RPS6KA1: variants seen among roughly 807,000 people sequenced by gnomAD.
The protein encoded by RPS6KA1 is ribosomal protein S6 kinase alpha-1.
In RPS6KA1, 48 loss-of-function variants were observed where a neutral mutation model predicts 91.3. That is an observed-to-expected ratio of 0.53 (90% confidence interval 0.42 to 0.67). RPS6KA1 has a LOEUF of 0.67. Among genes scored for constraint, RPS6KA1 ranks in the 30% least tolerant of loss-of-function variants. RPS6KA1 has a pLI of 0.00. For missense variants in RPS6KA1, 719 were observed against 960.5 expected (o/e 0.75, Z 3.32); for synonymous variants, 359 against 384.7 (o/e 0.93, Z 0.78).
intron 14 of RPS6KA1, among the ~76,000 whole-genome samples, chr1:26,559,852 G>T (rs1178058954): frequency 1.3e-5 from 2 of 152,156 alleles, no homozygotes; most frequent in African/African-American, 4.8e-5. Flanking sequence ...AGCACTTTGG[G>T]AGGCCAAGAA....
chr1:26,569,247 A>G (rs768402433), intron 17 of RPS6KA1, among the ~76,000 whole-genome samples: 29 of 151,860 alleles, frequency 1.9e-4, no homozygotes, highest in Non-Finnish European at 3.7e-4. Context: ...ATTCCTGTCC[A>G]CCCGCCGAGG....
chr1:26,565,310 G>T (rs1187968603), intron 17 of RPS6KA1, among the ~76,000 whole-genome samples: 1 of 152,096 alleles, frequency 6.6e-6, no homozygotes, highest in Non-Finnish European at 1.5e-5. Context: ...GGTCCACTGG[G>T]ACCCCTGTTT....
At chr1:26,550,710 A>G (rs1168441954) in intron 4 of RPS6KA1, among the ~76,000 whole-genome samples, 2 of 152,184 alleles carry the variant, frequency 1.3e-5, no homozygotes, top group Admixed American at 6.5e-5. Flanking sequence ...AAAAAGAGAA[A>G]AGTGCTCCAA....
chr1:26,559,411 G>T (rs2076134482), intron 14 of RPS6KA1, among the ~76,000 whole-genome samples: 1 of 152,104 alleles, frequency 6.6e-6, no homozygotes, highest in Non-Finnish European at 1.5e-5. Context: ...CTGTTGCCCA[G>T]GCTGGAGTGC....
At chr1:26,572,928 A>C (rs2076261956) in intron 20 of RPS6KA1, among the ~76,000 whole-genome samples, 1 of 152,230 alleles carries the variant, frequency 6.6e-6, no homozygotes, top group South Asian at 2.1e-4. Context: ...GCAAGTTTTG[A>C]ACCTGAATCT....
chr1:26,568,286 C>G (rs1281305411), intron 17 of RPS6KA1, among the ~76,000 whole-genome samples: 2 of 152,178 alleles, frequency 1.3e-5, no homozygotes, highest in African/African-American at 2.4e-5. Context: ...CTTTTCCTCC[C>G]CCAACATACA....
chr1:26,568,287 C>G (rs1057025987), intron 17 of RPS6KA1, among the ~76,000 whole-genome samples: 1 of 152,166 alleles, frequency 6.6e-6, no homozygotes. Context: ...TTTTCCTCCC[C>G]CAACATACAC....
rs966532949 is a variant in RPS6KA1, at chr1:26,533,448, G to A, written c.63+3465G>A. Among the ~76,000 whole-genome samples, 7 of 152,228 alleles carry A rather than the reference G, an allele frequency of 4.6e-5. No homozygotes were observed. The East Asian group carries it at 1.4e-3, about 30-fold the overall frequency. ...AGGCCACGCGTGGTGGCTCATGACT[G>A]TAATCCTAGCACTTTGGGAGCCTGA... On this transcript the variant is annotated intron_variant, in intron 1 of 21. Transcript: ENST00000374168.
rs553117371 is a variant in RPS6KA1 at position 26,554,523 on chromosome 1, G to A, written c.614-73G>A. The A allele has an allele frequency of 6.5e-6, 10 of 1,545,472 alleles. No homozygotes were observed. In the South Asian group the frequency reaches 1.1e-4, roughly 17 times the overall value. The stretch of plus-strand genomic sequence containing the variant: ...TGCCTTCTGGCCTCTGGGCACGGGG[G>A]TTGGGTGTGCAAAGGGTGGCAGCAA... On this transcript the variant is annotated intron_variant, in intron 8 of 21. Coordinates refer to ENST00000374168, the MANE Select transcript of RPS6KA1 (RefSeq NM_002953.4). The surrounding 1 kb of genome is among the most constrained non-coding windows in gnomAD (Gnocchi z 4.6).
At chr1:26,538,399 A>G (rs1010406483) in intron 2 of RPS6KA1, among the ~76,000 whole-genome samples, 2 of 152,132 alleles carry the variant, frequency 1.3e-5, no homozygotes, top group Non-Finnish European at 2.9e-5. Flanking sequence ...CACCTCAAGA[A>G]CTGGAGGAGC....
chr1:26,541,735 A>T (rs1466116683), intron 2 of RPS6KA1, among the ~76,000 whole-genome samples: 2 of 152,238 alleles, frequency 1.3e-5, no homozygotes, highest in Non-Finnish European at 2.9e-5. Flanking sequence ...GTCTGAGGAC[A>T]TCTGTCCCAC....
chr1:26,561,568 G>A lies in RPS6KA1; in HGVS notation c.1495G>A (p.Asp499Asn). ...GCTGATGCGGGGTGGGGAGCTGCTG[G>A]ACAAGATCCTGCGGCAGAAGTTCTT... Reference protein sequence around the residue: ...TELMRGGELLDKILRQKFFSE... With the variant: ...TELMRGGELLNKILRQKFFSE... The change falls in exon 17 of 22, where the codon GAC (aspartate) becomes AAC (asparagine). Residue 499 changes from aspartate to asparagine, a missense_variant. Asp to Asn is a conservative substitution (Grantham distance 23). This residue lies in a region of RPS6KA1 where 249 missense variants were observed against 323.1 expected (regional missense o/e 0.77). Transcript: ENST00000374168. This position sits in a 1 kb window ranked among gnomAD's most constrained non-coding sequence, Gnocchi z 5.7. 1.2e-6 allele frequency: 2 copies of A among 1,614,182 alleles called. No homozygotes were observed. The highest frequency in any genetic ancestry group is 1.7e-6 in the Non-Finnish European group (2 of 1,180,022).
In RPS6KA1 at chr1:26,555,009, G is replaced by A; in HGVS notation, c.757-142G>A. The A allele has an allele frequency of 1.1e-6, 1 of 905,422 alleles. No individual in the cohort carries two copies. Among genetic ancestry groups the A allele is most frequent in the Non-Finnish European group, 1.7e-6 (1 of 587,644 alleles). The allele number at this position is 905,422 out of a possible 1,614,324, so 56.1% of individuals were successfully genotyped here. On this transcript the variant is annotated intron_variant, in intron 9 of 21. Coordinates refer to ENST00000374168, the MANE Select transcript of RPS6KA1 (RefSeq NM_002953.4). This position sits in a 1 kb window ranked among gnomAD's most constrained non-coding sequence, Gnocchi z 4.3. ...TGGTCTGGTTGGCAGAGGCAAGAGG[G>A]ACGGGCATAATTCTTGCTCCAGGCT... is the stretch of plus-strand genomic sequence containing the variant.
In RPS6KA1 at chr1:26,561,056, G is replaced by A; in HGVS notation, c.1353G>A (p.Lys451=). 1.2e-6 allele frequency: 2 copies of A among 1,613,898 alleles called. No homozygotes were observed. The highest frequency in any genetic ancestry group is 8.5e-7 in the Non-Finnish European group (1 of 1,179,996). Residue 451 remains lysine (K), a synonymous_variant, in exon 16 of 22, where the codon AAG becomes AAA. Coordinates refer to ENST00000374168, the MANE Select transcript of RPS6KA1 (RefSeq NM_002953.4). The surrounding 1 kb of genome is among the most constrained non-coding windows in gnomAD (Gnocchi z 5.7). The part of the protein sequence containing the change: ...NMEYAVKVID[K]SKRDPSEEIE... ...CCCCCTTTCTTCAGGTCATTGATAAGAGCAAGCGGGATCCTTCAGAAGAGA... is the reference window on the plus strand; with the variant it reads ...CCCCCTTTCTTCAGGTCATTGATAAAAGCAAGCGGGATCCTTCAGAAGAGA...
chr1:26,541,121 A>T (rs957426199), intron 2 of RPS6KA1, among the ~76,000 whole-genome samples: 4 of 151,806 alleles, frequency 2.6e-5, no homozygotes, highest in African/African-American at 9.7e-5. Flanking sequence ...AATTAGCCAG[A>T]TGTGGTGGTA....
chr1:26,555,294 A>T lies in RPS6KA1; in HGVS notation c.827+73A>T. The T allele has an allele frequency of 6.9e-7, 1 of 1,443,110 alleles. No homozygotes were observed. The highest frequency in any genetic ancestry group is 9.7e-7 in the Non-Finnish European group (1 of 1,030,318). 89.4% of individuals were successfully genotyped at this position (1,443,110 alleles called of 1,614,324 possible). On this transcript the variant is annotated intron_variant, in intron 10 of 21. Transcript: ENST00000374168. This position sits in a 1 kb window ranked among gnomAD's most constrained non-coding sequence, Gnocchi z 4.3. Reference sequence around the variant, plus strand: ...GCCCCAGTTTGGGGGTCAGAATATTATTACCCTGTCCCTGCCTCAGCTACC... The same window carrying T: ...GCCCCAGTTTGGGGGTCAGAATATTTTTACCCTGTCCCTGCCTCAGCTACC...
At chr1:26,552,302 C>T (rs1032897556) in intron 6 of RPS6KA1, among the ~76,000 whole-genome samples, 5 of 145,490 alleles carry the variant, frequency 3.4e-5, no homozygotes, top group African/African-American at 5.1e-5. Context: ...GCACAAGAAT[C>T]GCTTGAACCC....
At chr1:26,556,922 C>T in intron 12 of RPS6KA1, 76 bp from the exon 13 acceptor site, 1 of 1,276,946 alleles carries the variant, frequency 7.8e-7, no homozygotes, top group Non-Finnish European at 1.1e-6. Context: ...CCAAGCCCAG[C>T]ACCTCCTCCT....
chr1:26,547,113 G>A lies in RPS6KA1; in HGVS notation c.226-76G>A, dbSNP rs952365620. 15 of 1,564,726 alleles carry A rather than the reference G, an allele frequency of 9.6e-6. No individual in the cohort carries two copies. The highest frequency in any genetic ancestry group is 4.1e-5 in the African/African-American group (3 of 73,932). On this transcript the variant is annotated intron_variant, in intron 3 of 21. Coordinates refer to ENST00000374168, the MANE Select transcript of RPS6KA1 (RefSeq NM_002953.4). The surrounding 1 kb of genome is among the most constrained non-coding windows in gnomAD (Gnocchi z 4.1). Reference sequence around the variant, plus strand: ...GGGAGAGCAAAAAGGTCAGCTTGGGGCTCAGAGAAGATAGAGGTCAGCCTG... The same window carrying A: ...GGGAGAGCAAAAAGGTCAGCTTGGGACTCAGAGAAGATAGAGGTCAGCCTG...
Sources: allele counts gnomAD v4.1 joint callset (sites outside exome capture counted in the v4.1 genomes callset), GRCh38; gene constraint gnomAD v4.1.1; regional missense constraint gnomAD v4.1.1; non-coding constraint Gnocchi (gnomAD v3.1); transcripts MANE v1.5; gene names NCBI Gene and HGNC (gene_info 2026-07-23, HGNC 2026-07-21).